Variants in TINAG observed in about 807,000 individuals in gnomAD.
TINAG encodes the protein tubulointerstitial nephritis antigen.
TINAG carries 83 observed loss-of-function variants against 72.7 expected under a neutral mutation model. The observed-to-expected ratio is 1.14, with a 90% CI of 0.96 to 1.37. The LOEUF (loss-of-function observed/expected upper bound fraction) is 1.37, where lower values mean the gene tolerates loss of function less well. Ranked by LOEUF, TINAG falls within the 40% of genes most tolerant of loss-of-function variation. The pLI is 0.00. For synonymous variants in TINAG, 234 were observed against 189.9 expected (o/e 1.23, Z -1.91); for missense variants, 685 against 576.6 (o/e 1.19, Z -1.93).
intron 6 of TINAG, among the ~76,000 whole-genome samples, chr6:54,348,477 T>C (rs994434759): frequency 7.9e-5 from 12 of 152,078 alleles, no homozygotes; most frequent in Admixed American, 5.9e-4. Context: ...AGACTGAGTG[T>C]CTTCAACGCA....
chr6:54,363,355 G>A (rs1025188004), intron 9 of TINAG, among the ~76,000 whole-genome samples: 2 of 151,502 alleles, frequency 1.3e-5, no homozygotes, highest in African/African-American at 4.8e-5. Flanking sequence ...GCAAATTTCT[G>A]TATTGCAAGT....
intron 9 of TINAG, among the ~76,000 whole-genome samples, chr6:54,373,551 C>T (rs1763693214): frequency 6.6e-6 from 1 of 151,992 alleles, no homozygotes; most frequent in African/African-American, 2.4e-5. Flanking sequence ...GCTATTTAAC[C>T]TTTTGGGCCT....
intron 9 of TINAG, among the ~76,000 whole-genome samples, chr6:54,375,607 T>C (rs923033887): frequency 6.6e-6 from 1 of 152,176 alleles, no homozygotes; most frequent in African/African-American, 2.4e-5. Flanking sequence ...CTCAAACTTG[T>C]TCCCTCTCAT....
chr6:54,370,141 A>C (rs1280413795), intron 9 of TINAG, among the ~76,000 whole-genome samples: 2 of 152,058 alleles, frequency 1.3e-5, no homozygotes, highest in Non-Finnish European at 2.9e-5. Context: ...GAAATAAATA[A>C]ATGACAGTTG....
At chr6:54,329,794 G>T (rs1268960199) in intron 4 of TINAG, among the ~76,000 whole-genome samples, 1 of 151,362 alleles carries the variant, frequency 6.6e-6, no homozygotes, top group Admixed American at 6.6e-5. Context: ...CCAAGTAAAT[G>T]GAAAGAAAAA....
At chr6:54,360,450 T>C (rs1295538491) in intron 9 of TINAG, among the ~76,000 whole-genome samples, 1 of 151,686 alleles carries the variant, frequency 6.6e-6, no homozygotes, top group Non-Finnish European at 1.5e-5. Flanking sequence ...CATAAAAGTG[T>C]GTTTTACTAT....
In TINAG at chr6:54,368,884, T is replaced by G. The variant is rs571988607; in HGVS notation, c.1251-11642T>G. On this transcript the variant is annotated intron_variant, in intron 9 of 10. Transcript: ENST00000259782. ...TCAGATAAATGCTATATTTCAGAGA[T>G]TCTTACATTGAAATTTTGAAGGCTT... Among the ~76,000 whole-genome samples the G allele has an allele frequency of 6.6e-5, 10 of 151,890 alleles. No homozygotes were observed. The South Asian group carries it at 2.1e-3, about 31-fold the overall frequency.
At chr6:54,309,608 T>C (rs971842000) in intron 1 of TINAG, among the ~76,000 whole-genome samples, 3 of 152,278 alleles carry the variant, frequency 2.0e-5, no homozygotes, top group Non-Finnish European at 2.9e-5. Flanking sequence ...ATTTATCTAA[T>C]TGGAGGAGAA....
At chr6:54,380,706 C>T in intron 10 of TINAG, 135 bp downstream of exon 10, 1 of 529,926 alleles carries the variant, frequency 1.9e-6, no homozygotes, top group Non-Finnish European at 3.2e-6. Context: ...AGTGTTTTCG[C>T]CAGCACAAAA....
At chr6:54,322,884 T>C (rs922571637) in intron 3 of TINAG, among the ~76,000 whole-genome samples, 1 of 152,242 alleles carries the variant, frequency 6.6e-6, no homozygotes, top group African/African-American at 2.4e-5. Flanking sequence ...TCTTGAGAAA[T>C]TGAATCAGAT....
intron 4 of TINAG, among the ~76,000 whole-genome samples, chr6:54,338,848 T>G (rs1784932005): frequency 6.6e-6 from 1 of 152,090 alleles, no homozygotes; most frequent in South Asian, 2.1e-4. Context: ...TGAACATTAT[T>G]ACCATGTTTT....
At chr6:54,313,201 G>C (rs1023057552) in intron 1 of TINAG, among the ~76,000 whole-genome samples, 4 of 152,044 alleles carry the variant, frequency 2.6e-5, no homozygotes, top group African/African-American at 4.8e-5. Flanking sequence ...TGTCATGTTG[G>C]TATGATCCTT....
intron 5 of TINAG, among the ~76,000 whole-genome samples, chr6:54,344,779 G>A (rs1785081597): frequency 6.6e-6 from 1 of 152,152 alleles, no homozygotes; most frequent in Non-Finnish European, 1.5e-5. Flanking sequence ...GAACACCAGA[G>A]AGAGGTTTCC....
chr6:54,360,839 G>GTTTTTTTTTTTTTTT (rs773926586), intron 9 of TINAG, among the ~76,000 whole-genome samples: 4 of 16,922 alleles, frequency 2.4e-4, no homozygotes, highest in East Asian at 2.3e-3. Flanking sequence ...CACAGATACT[G>GTTTTTTTTTTTTTTT]TGTTTTTTTT....
chr6:54,321,302 G>A lies in TINAG; in HGVS notation c.425G>A (p.Cys142Tyr). ...TAATTGTCATATCTTTGCAGCACATGCTCAGGACAGCAATGGAAATGTTCC... is the reference window on the plus strand; with the variant it reads ...TAATTGTCATATCTTTGCAGCACATACTCAGGACAGCAATGGAAATGTTCC... ...VIKENCNSCT[C>Y]SGQQWKCSQH... The change falls in exon 3 of 11, where the codon TGC becomes TAC. Residue 142 changes from cysteine (C) to tyrosine (Y), a missense_variant. Cys to Tyr is a radical substitution (Grantham distance 194). Transcript: ENST00000259782. 1 of 1,613,490 alleles carries A rather than the reference G, an allele frequency of 6.2e-7. No individual in the cohort carries two copies. The highest frequency in any genetic ancestry group is 8.5e-7 in the Non-Finnish European group (1 of 1,179,666).
intron 1 of TINAG, among the ~76,000 whole-genome samples, chr6:54,310,722 CTTTT>C (rs201174822): frequency 8.5e-6 from 1 of 118,268 alleles, no homozygotes; most frequent in African/African-American, 3.2e-5. Flanking sequence ...CTCCCTCTTT[CTTTT>C]TTCTCTCTTT....
intron 9 of TINAG, among the ~76,000 whole-genome samples, chr6:54,366,557 G>A (rs1582746493): frequency 6.6e-6 from 1 of 150,846 alleles, no homozygotes; most frequent in African/African-American, 2.4e-5. Flanking sequence ...CAATAGAATA[G>A]TGCCTCTGTC....
intron 7 of TINAG, among the ~76,000 whole-genome samples, chr6:54,350,855 G>A (rs1157325039): frequency 6.6e-6 from 1 of 151,642 alleles, no homozygotes; most frequent in Non-Finnish European, 1.5e-5. Flanking sequence ...GAGTATAGGT[G>A]CAGGGTCAAT....
Position 54,389,976 on chromosome 6 carries a change from G to A in TINAG, c.*51G>A. The A allele has an allele frequency of 6.3e-7, 1 of 1,583,904 alleles. No individual in the cohort carries two copies. The highest frequency in any genetic ancestry group is 1.9e-5 in the Admixed American group (1 of 51,494). On this transcript the variant is annotated 3_prime_UTR_variant, in exon 11 of 11. Coordinates refer to ENST00000259782, the MANE Select transcript of TINAG (RefSeq NM_014464.4). ...ATGCCTTTAAGTAACCCCCTAAATT[G>A]AAGTTTAGCAATATGACATTCTTGG...
Sources: gnomAD v4.1 joint callset for allele counts (sites outside exome capture counted in the v4.1 genomes callset) on GRCh38, gnomAD v4.1.1 for gene constraint, MANE v1.5 for transcripts, NCBI Gene and HGNC (gene_info 2026-07-23, HGNC 2026-07-21) for gene names.